CDH2: variants seen among roughly 807,000 people sequenced by gnomAD.
CDH2 encodes the protein cadherin 2.
Under a neutral mutation model 92.0 loss-of-function variants are expected in CDH2, and 17 were observed. The observed-to-expected ratio is 0.18, with a 90% CI of 0.13 to 0.28. The LOEUF is 0.28. Among genes scored for constraint, CDH2 ranks in the 10% least tolerant of loss-of-function variants. The probability of loss-of-function intolerance (pLI) is 1.00; values close to 1 mark genes in which losing one functional copy is unlikely to be tolerated. For missense variants in CDH2, 862 were observed against 1,133.1 expected (o/e 0.76, Z 3.44); for synonymous variants, 419 against 415.9 (o/e 1.01, Z -0.09).
intron 3 of CDH2, 129 bp downstream of exon 3, chr18:28,013,554 A>T: frequency 1.4e-6 from 1 of 695,550 alleles, no homozygotes; most frequent in Non-Finnish European, 2.5e-6. Flanking sequence ...TATTATTAAA[A>T]TGACCAAAGT....
chr18:28,088,297 C>G (rs1275688227), intron 2 of CDH2, among the ~76,000 whole-genome samples: 2 of 152,114 alleles, frequency 1.3e-5, no homozygotes, highest in African/African-American at 4.8e-5. Context: ...AAACAAAAAT[C>G]ACTGTAGACA....
chr18:28,020,472 T>C (rs1295624620), intron 2 of CDH2, among the ~76,000 whole-genome samples: 2 of 152,104 alleles, frequency 1.3e-5, no homozygotes, highest in African/African-American at 4.8e-5. Flanking sequence ...AAGGCTAATA[T>C]CATGGACATT....
chr18:28,104,908 T>C (rs921794779), intron 2 of CDH2, among the ~76,000 whole-genome samples: 1 of 152,050 alleles, frequency 6.6e-6, no homozygotes, highest in Admixed American at 6.6e-5. Context: ...ATACTCACCA[T>C]AATGAAATAC....
At chr18:27,978,754 G>T (rs1380433185) in intron 14 of CDH2, among the ~76,000 whole-genome samples, 1 of 152,048 alleles carries the variant, frequency 6.6e-6, no homozygotes, top group Non-Finnish European at 1.5e-5. Flanking sequence ...CCAGGCTCAA[G>T]CAGTCCTCCT....
At chr18:27,937,246 A>G (rs1205485169) in intron 6 of CDH2, among the ~76,000 whole-genome samples, 1 of 152,228 alleles carries the variant, frequency 6.6e-6, no homozygotes, top group African/African-American at 2.4e-5. Flanking sequence ...TGAACATTTT[A>G]TTATAATTAA....
rs765366885 is a variant in CDH2 at position 27,990,154 on chromosome 18, G to A, written c.1541C>T (p.Thr514Ile). 1.9e-6 allele frequency: 3 copies of A among 1,613,938 alleles called. No individual in the cohort carries two copies. The highest frequency in any genetic ancestry group is 2.2e-5 in the South Asian group (2 of 91,078). The stretch of plus-strand genomic sequence containing the variant: ...CTGAGCAGTGAATGTTGTCAACATG[G>A]TACCGGCATGAAGCCCTTCTTCTTG... ...IRQEEGLHAG[T>I]MLTTFTAQDP... The change falls in exon 10 of 16, where the codon ACC becomes ATC. Residue 514 changes from threonine to isoleucine, a missense_variant. Transcript: ENST00000269141.
intron 2 of CDH2, among the ~76,000 whole-genome samples, chr18:28,035,272 G>T (rs1195165562): frequency 6.6e-6 from 1 of 152,006 alleles, no homozygotes; most frequent in African/African-American, 2.4e-5. Flanking sequence ...TTTCTAATGA[G>T]CAGCATTCCT....
intron 2 of CDH2, among the ~76,000 whole-genome samples, chr18:28,016,057 G>A (rs1002911122): frequency 1.3e-5 from 2 of 152,190 alleles, no homozygotes; most frequent in African/African-American, 4.8e-5. Flanking sequence ...CACTTTGGGG[G>A]AAGAGTCGAC....
intron 2 of CDH2, among the ~76,000 whole-genome samples, chr18:28,127,684 C>G (rs1722341065): frequency 6.6e-6 from 1 of 151,716 alleles, no homozygotes; most frequent in African/African-American, 2.4e-5. Flanking sequence ...CAGAAAAAAA[C>G]AGAGTTTATT....
chr18:28,095,794 G>A (rs1461652396), intron 2 of CDH2, among the ~76,000 whole-genome samples: 1 of 103,632 alleles, frequency 9.6e-6, no homozygotes, highest in Non-Finnish European at 1.8e-5. Flanking sequence ...TGGGCAATAG[G>A]ATGCAACTCC....
chr18:28,000,470 C>T (rs1485257400), intron 7 of CDH2, among the ~76,000 whole-genome samples: 2 of 152,072 alleles, frequency 1.3e-5, no homozygotes. Context: ...ACTATTATCC[C>T]CATTTATGGA....
At chr18:28,094,721 G>T (rs1186044899) in intron 2 of CDH2, among the ~76,000 whole-genome samples, 1 of 147,880 alleles carries the variant, frequency 6.8e-6, no homozygotes, top group Non-Finnish European at 1.5e-5. Context: ...GTGAACCCGG[G>T]AAGCGGAGCT....
In CDH2 at chr18:27,982,953, T is replaced by C. The variant is rs1283050704; in HGVS notation, c.2340A>G (p.Glu780=). The change falls in exon 14 of 16, where the codon GAA becomes GAG. Residue 780 remains glutamate, a synonymous_variant. Transcript: ENST00000269141. ...ILKYDEEGGG[E]EDQDYDLSQL... ...TTAAAGCACTGCTCACCTGGTCTTC[T>C]TCTCCTCCACCTTCTTCATCATATT... is the stretch of plus-strand genomic sequence containing the variant. 5 of 1,597,868 alleles carry C rather than the reference T, an allele frequency of 3.1e-6. No homozygotes were observed. The highest frequency in any genetic ancestry group is 4.3e-6 in the Non-Finnish European group (5 of 1,170,552).
At chr18:28,075,773 G>T (rs1298684430) in intron 2 of CDH2, among the ~76,000 whole-genome samples, 1 of 152,132 alleles carries the variant, frequency 6.6e-6, no homozygotes, top group African/African-American at 2.4e-5. Flanking sequence ...ATAGTCAAGG[G>T]AAGGACCAGA....
At chr18:28,043,477 TA>T (rs2013997507) in intron 2 of CDH2, among the ~76,000 whole-genome samples, 1 of 85,592 alleles carries the variant, frequency 1.2e-5, no homozygotes, top group African/African-American at 4.6e-5. Context: ...TATATATATA[TA>T]TATATATATA....
Position 27,952,348 on chromosome 18 carries a change from C to T in CDH2, c.2526G>A (p.Ala842=), listed in dbSNP as rs200372513. The change falls in exon 16 of 16, where the codon GCG becomes GCA. Residue 842 remains alanine, a synonymous_variant. Transcript: ENST00000269141. ...IGDFINEGLK[A]ADNDPTAPPY... is the part of the protein sequence containing the mutation. The stretch of plus-strand genomic sequence containing the variant: ...GTGGAGCTGTGGGGTCATTGTCAGC[C>T]GCTTTAAGGCCCTGCAATTTGGAAA... 1.7e-5 allele frequency: 28 copies of T among 1,613,230 alleles called. No individual in the cohort carries two copies. Among genetic ancestry groups the T allele is most frequent in the East Asian group, 1.6e-4 (7 of 44,864 alleles).
At chr18:28,103,111 AAAAC>A (rs1327105973) in intron 2 of CDH2, among the ~76,000 whole-genome samples, 1 of 149,174 alleles carries the variant, frequency 6.7e-6, no homozygotes, top group Non-Finnish European at 1.5e-5. Context: ...TAATGTAAAT[AAAAC>A]ACTTATGCCC....
chr18:28,069,554 G>A (rs1218071696), intron 2 of CDH2, among the ~76,000 whole-genome samples: 1 of 151,980 alleles, frequency 6.6e-6, no homozygotes, highest in Non-Finnish European at 1.5e-5. Context: ...GCCTTTTTCA[G>A]GTGGATTACC....
chr18:27,938,815 G>T (rs182761144), intron 6 of CDH2, among the ~76,000 whole-genome samples: 1 of 152,014 alleles, frequency 6.6e-6, no homozygotes, highest in South Asian at 2.1e-4. Context: ...GACAATACAC[G>T]CCAATTAACT....
Sources: gnomAD v4.1 joint callset for allele counts (sites outside exome capture counted in the v4.1 genomes callset) on GRCh38, gnomAD v4.1.1 for gene constraint, MANE v1.5 for transcripts, NCBI Gene and HGNC (gene_info 2026-07-23, HGNC 2026-07-21) for gene names.